Variants in ATP8A2 observed in about 807,000 individuals in gnomAD.
ATP8A2 encodes the protein phospholipid-transporting ATPase IB.
A neutral mutation model predicts 165.6 loss-of-function variants in ATP8A2; 100 were observed. That is an observed-to-expected ratio of 0.60 (90% confidence interval 0.51 to 0.71). The LOEUF (loss-of-function observed/expected upper bound fraction) is 0.71. ATP8A2 is among the 30% of genes least tolerant of loss of function. ATP8A2 has a pLI of 0.00. For synonymous variants in ATP8A2, 543 were observed against 548.8 expected (o/e 0.99, Z 0.15); for missense variants, 1,227 against 1,479.5 (o/e 0.83, Z 2.80).
intron 24 of ATP8A2, among the ~76,000 whole-genome samples, chr13:25,603,470 CA>C (rs60241678): frequency 0.64 from 75,266 of 118,480 alleles, 21,867 homozygotes; most frequent in Admixed American, 0.74. Context: ...GACTCTGTCT[CA>C]AAAAAAAAAA....
rs56048596 is a variant in ATP8A2, at chr13:25,435,957, G to A, written c.77-33020G>A. ...AGTGTGTGTGTGTGTGTGTGAGTGT[G>A]TGTGTGTGTGTGTGTATGTGTGTGT... is the stretch of plus-strand genomic sequence containing the variant. On this transcript the variant is annotated intron_variant, in intron 1 of 36. Transcript: ENST00000381655. Among the ~76,000 whole-genome samples, 344 of 149,156 alleles carry A rather than the reference G, an allele frequency of 2.3e-3. 3 individuals are homozygous for A. Among genetic ancestry groups the A allele is most frequent in the African/African-American group, 7.3e-3 (295 of 40,238 alleles).
At chr13:25,990,972 G>A (rs1049921373) in intron 35 of ATP8A2, among the ~76,000 whole-genome samples, 1 of 152,124 alleles carries the variant, frequency 6.6e-6, no homozygotes, top group Admixed American at 6.5e-5. Context: ...ACAGGACCAC[G>A]GAGCTCAGCC....
At chr13:25,717,071 A>G (rs961824320) in intron 25 of ATP8A2, among the ~76,000 whole-genome samples, 1 of 152,236 alleles carries the variant, frequency 6.6e-6, no homozygotes, top group Admixed American at 6.5e-5. Flanking sequence ...ACATGCCACT[A>G]TCACCAGTGA....
chr13:25,751,631 TCG>T (rs2046004200), intron 25 of ATP8A2, among the ~76,000 whole-genome samples: 1 of 152,096 alleles, frequency 6.6e-6, no homozygotes, highest in Non-Finnish European at 1.5e-5. Context: ...AGACAAGGTC[TCG>T]CTATGTTGCC....
rs546282211 is a variant in ATP8A2 at position 25,375,793 on chromosome 13, G to C, written c.76+3505G>C. ...TCACCATGTTGGCCAGGATTGTCTC[G>C]ATCTCTTAACCTCGTGATCCACCCA... On this transcript the variant is annotated intron_variant, in intron 1 of 36. Transcript: ENST00000381655. Among the ~76,000 whole-genome samples, 89 of 151,936 alleles carry C rather than the reference G, an allele frequency of 5.9e-4. 3 individuals are homozygous for C. The South Asian group carries it at 0.01, about 18-fold the overall frequency.
At chr13:25,908,749 G>T (rs1238648544) in intron 33 of ATP8A2, among the ~76,000 whole-genome samples, 1 of 152,212 alleles carries the variant, frequency 6.6e-6, no homozygotes, top group Non-Finnish European at 1.5e-5. Context: ...TTCTTCAAAA[G>T]AAACTGCCTT....
intron 33 of ATP8A2, among the ~76,000 whole-genome samples, chr13:25,935,436 T>C (rs1489423426): frequency 6.6e-6 from 1 of 152,196 alleles, no homozygotes; most frequent in Admixed American, 6.5e-5. Context: ...CATTTTTACT[T>C]GGTGTCAGTC....
chr13:25,777,813 A>G (rs536176173), intron 27 of ATP8A2, among the ~76,000 whole-genome samples: 13 of 152,362 alleles, frequency 8.5e-5, no homozygotes, highest in Non-Finnish European at 1.5e-4. Flanking sequence ...ATACTAACCT[A>G]TAAAAGTGGA....
chr13:25,559,041 C>T lies in ATP8A2; in HGVS notation c.1332C>T (p.Ser444=). 6.2e-7 allele frequency: 1 copy of T among 1,611,150 alleles called. No homozygotes were observed. Among genetic ancestry groups the T allele is most frequent in the Non-Finnish European group, 8.5e-7 (1 of 1,177,942 alleles). ...ATATCATGAACTTTAAGAAGTGCAG[C>T]ATTGCCGGAGTAACCTATGGGTCAG... ...TCNIMNFKKC[S]IAGVTYGHFP... Residue 444 remains serine, a synonymous_variant, in exon 14 of 37, where the codon AGC becomes AGT. Transcript: ENST00000381655.
chr13:25,672,055 A>G (rs1290254155), intron 24 of ATP8A2, among the ~76,000 whole-genome samples: 1 of 152,200 alleles, frequency 6.6e-6, no homozygotes, highest in African/African-American at 2.4e-5. Flanking sequence ...CTACATGAAT[A>G]TCGGGGCAGG....
chr13:25,509,310 T>C (rs1566198843), intron 2 of ATP8A2, among the ~76,000 whole-genome samples: 1 of 152,154 alleles, frequency 6.6e-6, no homozygotes, highest in Non-Finnish European at 1.5e-5. Flanking sequence ...ATGACATATA[T>C]TGATAAGTTG....
intron 35 of ATP8A2, among the ~76,000 whole-genome samples, chr13:25,985,526 T>A (rs796664310): frequency 2.8e-4 from 42 of 152,338 alleles, no homozygotes; most frequent in African/African-American, 9.6e-4. Context: ...GCTTGTTTAA[T>A]TTGAACGTCC....
intron 10 of ATP8A2, among the ~76,000 whole-genome samples, chr13:25,546,052 T>C (rs1029221771): frequency 1.5e-5 from 2 of 134,176 alleles, no homozygotes; most frequent in African/African-American, 5.7e-5. Context: ...CACTTTCCAA[T>C]ATTTCTTATA....
chr13:25,658,392 CT>C (rs765834693), intron 24 of ATP8A2, among the ~76,000 whole-genome samples: 2 of 152,134 alleles, frequency 1.3e-5, no homozygotes, highest in Non-Finnish European at 2.9e-5. Context: ...AATCCCAGCA[CT>C]TTGGGAGGCC....
chr13:25,466,248 G>A (rs2035665100), intron 1 of ATP8A2, among the ~76,000 whole-genome samples: 2 of 152,062 alleles, frequency 1.3e-5, no homozygotes, highest in Non-Finnish European at 2.9e-5. Context: ...TGGACCCTCA[G>A]GGTTGATTTG....
intron 13 of ATP8A2, among the ~76,000 whole-genome samples, chr13:25,556,780 G>A (rs975945910): frequency 3.3e-5 from 5 of 152,144 alleles, no homozygotes; most frequent in Non-Finnish European, 5.9e-5. Flanking sequence ...GTAACTTATC[G>A]AAGGACACCT....
chr13:25,920,760 T>A (rs959421305), intron 33 of ATP8A2, among the ~76,000 whole-genome samples: 1 of 152,212 alleles, frequency 6.6e-6, no homozygotes, highest in African/African-American at 2.4e-5. Context: ...TTATTTTGCT[T>A]TTACTTATTT....
intron 2 of ATP8A2, among the ~76,000 whole-genome samples, chr13:25,480,840 C>T (rs1009996437): frequency 2.1e-4 from 31 of 150,584 alleles, no homozygotes; most frequent in African/African-American, 3.9e-4. Context: ...GCCGAGATCA[C>T]GCCACTGCAC....
At chr13:25,896,920 T>G (rs1168732178) in intron 33 of ATP8A2, among the ~76,000 whole-genome samples, 1 of 152,214 alleles carries the variant, frequency 6.6e-6, no homozygotes, top group African/African-American at 2.4e-5. Context: ...TTTGAGCCTA[T>G]GTGTGTCTCT....
Sources: allele counts gnomAD v4.1 joint callset (sites outside exome capture counted in the v4.1 genomes callset), GRCh38; gene constraint gnomAD v4.1.1; transcripts MANE v1.5; gene names NCBI Gene and HGNC (gene_info 2026-07-23, HGNC 2026-07-21).